The following TNR variants were observed in gnomAD, a reference collection of about 807,000 sequenced individuals.
TNR encodes the protein tenascin R.
TNR carries 45 observed loss-of-function variants against 150.4 expected under a neutral mutation model. That is an observed-to-expected ratio of 0.30 (90% CI 0.24 to 0.38). The LOEUF is 0.38. Ranked by LOEUF, TNR falls within the 10% of genes least tolerant of loss-of-function variation. The pLI, the probability that TNR is intolerant of heterozygous loss-of-function variation, is 1.00. For missense variants in TNR, 1,544 were observed against 1,759.1 expected, an observed-to-expected ratio of 0.88 and a Z score of 2.19; for synonymous variants, 687 against 678.4, an observed-to-expected ratio of 1.01 and a Z score of -0.20.
At chr1:175,383,500 T>C (rs575619775) in intron 8 of TNR, among the ~76,000 whole-genome samples, 1 of 152,300 alleles carries the variant, frequency 6.6e-6, no homozygotes, top group South Asian at 2.1e-4. Context: ...TTTTGGAGAT[T>C]GGCCTCTGGG....
intron 2 of TNR, among the ~76,000 whole-genome samples, chr1:175,476,663 G>A (rs1433338534): frequency 2.6e-5 from 4 of 152,202 alleles, no homozygotes; most frequent in African/African-American, 9.6e-5. Flanking sequence ...CTCTTCAGGG[G>A]TGCTGGAAAG....
intron 4 of TNR, among the ~76,000 whole-genome samples, chr1:175,400,853 A>C (rs1273321048): frequency 6.6e-6 from 1 of 152,194 alleles, no homozygotes; most frequent in Admixed American, 6.5e-5. Context: ...AAGAGCAAGC[A>C]AAGGAGCACT....
intron 4 of TNR, among the ~76,000 whole-genome samples, chr1:175,398,349 A>T (rs932371335): frequency 2.0e-5 from 3 of 152,274 alleles, no homozygotes; most frequent in Non-Finnish European, 2.9e-5. Context: ...AAATTAAAAA[A>T]AATTTTTGTT....
chr1:175,693,846 A>C (rs1359479799), intron 1 of TNR, among the ~76,000 whole-genome samples: 1 of 152,232 alleles, frequency 6.6e-6, no homozygotes, highest in Non-Finnish European at 1.5e-5. Context: ...CTTTCTGTAC[A>C]ATAAAATCAT....
intron 2 of TNR, among the ~76,000 whole-genome samples, chr1:175,524,771 C>G (rs1012283699): frequency 1.3e-5 from 2 of 152,306 alleles, no homozygotes; most frequent in East Asian, 1.9e-4. Flanking sequence ...TTACATTTTG[C>G]ACATGTAAAG....
chr1:175,415,094 T>A (rs1267456093), intron 2 of TNR, among the ~76,000 whole-genome samples: 4 of 151,610 alleles, frequency 2.6e-5, no homozygotes, highest in African/African-American at 9.7e-5. Flanking sequence ...TCCTTAGGGG[T>A]GATTTATAAA....
chr1:175,400,989 T>C (rs571767734), intron 4 of TNR, among the ~76,000 whole-genome samples: 2 of 152,170 alleles, frequency 1.3e-5, no homozygotes, highest in Non-Finnish European at 2.9e-5. Flanking sequence ...CAGATGGAGA[T>C]TATGCAACTG....
At chr1:175,343,417 A>G (rs906702200) in intron 18 of TNR, among the ~76,000 whole-genome samples, 2 of 152,308 alleles carry the variant, frequency 1.3e-5, no homozygotes, top group Non-Finnish European at 2.9e-5. Flanking sequence ...GTAAAGAGAC[A>G]CCTGTTCTGA....
intron 2 of TNR, among the ~76,000 whole-genome samples, chr1:175,433,483 G>A (rs1489997925): frequency 6.6e-6 from 1 of 152,188 alleles, no homozygotes; most frequent in Non-Finnish European, 1.5e-5. Flanking sequence ...GGACTTTGGG[G>A]AGTTAGGGGA....
intron 1 of TNR, among the ~76,000 whole-genome samples, chr1:175,670,317 C>A (rs909739): frequency 0.067 from 10,262 of 152,148 alleles, 450 homozygotes; most frequent in East Asian, 0.13. Flanking sequence ...GAGCCTCAAA[C>A]CTAGGGCAGG....
At chr1:175,488,048 T>C (rs557347145) in intron 2 of TNR, among the ~76,000 whole-genome samples, 1 of 152,206 alleles carries the variant, frequency 6.6e-6, no homozygotes, top group African/African-American at 2.4e-5. Flanking sequence ...TAAGAGCTAG[T>C]AATATCTTCA....
At chr1:175,582,251 T>C (rs1662377442) in intron 1 of TNR, among the ~76,000 whole-genome samples, 1 of 152,224 alleles carries the variant, frequency 6.6e-6, no homozygotes, top group Non-Finnish European at 1.5e-5. Context: ...ACTTAGAGTA[T>C]TGTTTTTGAG....
At chr1:175,391,710 G>GCTGAGTTTC (rs1208285430) in intron 6 of TNR, among the ~76,000 whole-genome samples, 2 of 152,196 alleles carry the variant, frequency 1.3e-5, no homozygotes, top group East Asian at 3.8e-4. Context: ...TGCTGAGTTT[G>GCTGAGTTTC]CCAATAAAAA....
intron 1 of TNR, among the ~76,000 whole-genome samples, chr1:175,709,158 G>C (rs756282600): frequency 2.0e-5 from 3 of 152,198 alleles, no homozygotes; most frequent in African/African-American, 4.8e-5. Context: ...GTGATATACA[G>C]GGCCTCCTCC....
chr1:175,359,346 A>G (rs1015742746), intron 15 of TNR, among the ~76,000 whole-genome samples: 1 of 151,726 alleles, frequency 6.6e-6, no homozygotes, highest in Admixed American at 6.6e-5. Flanking sequence ...GGGTTTCACC[A>G]TGTAGGCCAG....
chr1:175,363,889 A>G, intron 12 of TNR, 62 bp from the exon 13 acceptor site: 1 of 1,554,796 alleles, frequency 6.4e-7, no homozygotes, highest in East Asian at 2.3e-5. Context: ...AGAAATTCTC[A>G]TCCCTGGTTT....
Position 175,643,470 on chromosome 1 carries a change from A to G in TNR, c.-165+99756T>C, listed in dbSNP as rs1664724619. ...TTTCCATGGCCTGTTCATCCACCTC[A>G]TAGTCAATGTGAGAACCAGACACGG... On this transcript the variant is annotated intron_variant, in intron 1 of 22. Coordinates refer to ENST00000367674, the MANE Select transcript of TNR (RefSeq NM_003285.3). Among the ~76,000 whole-genome samples the G allele has an allele frequency of 2.6e-5, 4 of 152,160 alleles. No homozygotes were observed. In the South Asian group the frequency reaches 8.3e-4, roughly 32 times the overall value.
chr1:175,707,611 TA>T (rs1433673705), intron 1 of TNR, among the ~76,000 whole-genome samples: 3 of 152,252 alleles, frequency 2.0e-5, no homozygotes, highest in Middle Eastern at 6.8e-3. Flanking sequence ...TTCACAGGCC[TA>T]AAAAAGACCA....
chr1:175,377,461 T>G (rs1374025156), intron 9 of TNR, among the ~76,000 whole-genome samples: 2 of 11,718 alleles, frequency 1.7e-4, no homozygotes, highest in African/African-American at 6.3e-4. Context: ...ATTTCAGGGT[T>G]TTTTTTTTTT....
Sources: allele counts gnomAD v4.1 joint callset (sites outside exome capture counted in the v4.1 genomes callset), GRCh38; gene constraint gnomAD v4.1.1; transcripts MANE v1.5; gene names NCBI Gene and HGNC (gene_info 2026-07-23, HGNC 2026-07-21).